Variants in DNAH5 observed in about 807,000 individuals in gnomAD.
DNAH5 encodes the protein axonemal beta dynein heavy chain 5.
DNAH5 carries 372 observed loss-of-function variants against 518.2 expected under a neutral mutation model. That is an observed-to-expected ratio of 0.72 (90% confidence interval 0.66 to 0.78). The LOEUF is 0.78. DNAH5 is among the 30% of genes least tolerant of loss of function. The pLI is 0.00. For synonymous variants in DNAH5, 2,039 were observed against 2,025.9 expected (o/e 1.01, Z -0.17); for missense variants, 5,523 against 5,687.0 (o/e 0.97, Z 0.93).
chr5:13,786,421 C>T (rs1231583076), intron 51 of DNAH5, 70 bp from the exon 52 acceptor site: 3 of 1,423,020 alleles, frequency 2.1e-6, no homozygotes, highest in African/African-American at 1.4e-5. Context: ...TAAATTAATA[C>T]ACTCAAAGCT....
At chr5:13,780,736 T>C in intron 53 of DNAH5, 93 bp downstream of exon 53, 2 of 1,387,084 alleles carry the variant, frequency 1.4e-6, no homozygotes, top group Non-Finnish European at 2.0e-6. Context: ...TGTGACTCTT[T>C]ATATGTAAGA....
intron 49 of DNAH5, among the ~76,000 whole-genome samples, chr5:13,792,521 T>A (rs2126902945): frequency 6.6e-6 from 1 of 152,346 alleles, no homozygotes; most frequent in Non-Finnish European, 1.5e-5. Context: ...TGAAGTTACC[T>A]TATAATAAGA....
intron 1 of DNAH5, among the ~76,000 whole-genome samples, chr5:13,954,406 C>A (rs527818808): frequency 1.8e-4 from 27 of 152,226 alleles, no homozygotes; most frequent in Admixed American, 2.6e-4. Context: ...CTTTTATATG[C>A]AATAAGGTTT....
chr5:14,005,010 A>T (rs752974782), intron 1 of DNAH5, among the ~76,000 whole-genome samples: 7 of 152,108 alleles, frequency 4.6e-5, no homozygotes, highest in African/African-American at 7.2e-5. Flanking sequence ...TATTTCAAGG[A>T]TAAGTCCCAA....
chr5:13,876,960 T>C (rs897556827), intron 21 of DNAH5, 143 bp from the exon 22 acceptor site: 8 of 854,020 alleles, frequency 9.4e-6, no homozygotes, highest in Non-Finnish European at 1.4e-5. Flanking sequence ...ATGGAAAGAG[T>C]TGTCAATGTC....
intron 1 of DNAH5, among the ~76,000 whole-genome samples, chr5:13,972,935 C>A (rs1354745479): frequency 6.6e-6 from 1 of 152,118 alleles, no homozygotes; most frequent in Admixed American, 6.5e-5. Context: ...ATAGCAAGAC[C>A]CCATCTCTAA....
chr5:13,763,878 T>A (rs1561199448), intron 59 of DNAH5, among the ~76,000 whole-genome samples: 1 of 152,208 alleles, frequency 6.6e-6, no homozygotes, highest in Non-Finnish European at 1.5e-5. Context: ...GTCAGGAACG[T>A]GTAATCACTT....
rs181042706 is a variant in DNAH5 at position 13,796,110 on chromosome 5, A to C, written c.7888-2052T>G. Among the ~76,000 whole-genome samples, 460 of 152,296 alleles carry C rather than the reference A, an allele frequency of 3.0e-3. 3 individuals carry two copies. The highest frequency in any genetic ancestry group is 0.014 in the Admixed American group (218 of 15,288). On this transcript the variant is annotated intron_variant, in intron 47 of 78. Coordinates refer to ENST00000265104, the MANE Select transcript of DNAH5 (RefSeq NM_001369.3). ...CCAATATCATACTGAATGGGCAAAA[A>C]CTGGAAGCATTCCCTTTGAAAACTG...
chr5:13,838,991 A>G (rs1296419504), intron 35 of DNAH5, among the ~76,000 whole-genome samples: 1 of 151,798 alleles, frequency 6.6e-6, no homozygotes, highest in East Asian at 1.9e-4. Flanking sequence ...CTTAAAAAAA[A>G]AAAAAAGAAA....
chr5:13,826,541 T>A (rs1762912705), intron 38 of DNAH5, among the ~76,000 whole-genome samples: 1 of 152,110 alleles, frequency 6.6e-6, no homozygotes, highest in South Asian at 2.1e-4. Context: ...AAGGGGCTTT[T>A]CCCCCTCTTC....
chr5:14,001,731 T>C (rs1416462858), intron 1 of DNAH5, among the ~76,000 whole-genome samples: 3 of 151,412 alleles, frequency 2.0e-5, no homozygotes, highest in Non-Finnish European at 2.9e-5. Flanking sequence ...TTTAGTTTGG[T>C]AAAATTTGAA....
intron 71 of DNAH5, among the ~76,000 whole-genome samples, chr5:13,720,650 G>A (rs1744926738): frequency 6.6e-6 from 1 of 152,158 alleles, no homozygotes; most frequent in Non-Finnish European, 1.5e-5. Flanking sequence ...TGAGATTACA[G>A]TTGTGAGGCA....
chr5:13,856,457 A>G (rs1767649969), intron 30 of DNAH5, among the ~76,000 whole-genome samples: 1 of 152,190 alleles, frequency 6.6e-6, no homozygotes, highest in South Asian at 2.1e-4. Flanking sequence ...AGCTGGTACC[A>G]TTCCTCTTAA....
chr5:13,820,219 A>T, intron 41 of DNAH5, 127 bp downstream of exon 41: 1 of 1,001,402 alleles, frequency 1.0e-6, no homozygotes, highest in Non-Finnish European at 1.5e-6. Flanking sequence ...CCCAATAATT[A>T]ATAAAGCAGT....
intron 47 of DNAH5, among the ~76,000 whole-genome samples, chr5:13,794,603 G>A (rs1180682496): frequency 6.6e-6 from 1 of 152,182 alleles, no homozygotes; most frequent in African/African-American, 2.4e-5. Context: ...GCTCACTTAT[G>A]TCTTCTCTCT....
chr5:13,944,578 T>C lies in DNAH5; in HGVS notation c.-140A>G. 1.4e-6 allele frequency: 1 copy of C among 731,316 alleles called. No individual in the cohort carries two copies. Among genetic ancestry groups the C allele is most frequent in the Non-Finnish European group, 2.4e-6 (1 of 414,252 alleles). 45.3% of individuals were successfully genotyped at this position (731,316 alleles called of 1,614,324 possible). On this transcript the variant is annotated 5_prime_UTR_variant, in exon 1 of 79. Coordinates refer to ENST00000265104, the MANE Select transcript of DNAH5 (RefSeq NM_001369.3). ...CTTTCACGTTTCTAATTTGCATGTA[T>C]TATTCACTACATTCACAGAATAAAA...
intron 41 of DNAH5, 89 bp downstream of exon 41, chr5:13,820,257 T>C: frequency 7.7e-7 from 1 of 1,306,608 alleles, no homozygotes; most frequent in South Asian, 1.2e-5. Context: ...TATATTATTG[T>C]ATCTGCCTGT....
chr5:13,691,609 A>T lies in DNAH5; in HGVS notation c.*375T>A. ...CAGACTTGCCCTGTTACCTTCAAGAACTTGGCTGTTACCAGGCCACGTTAA... is the reference window on the plus strand; with the variant it reads ...CAGACTTGCCCTGTTACCTTCAAGATCTTGGCTGTTACCAGGCCACGTTAA... On this transcript the variant is annotated 3_prime_UTR_variant, in exon 79 of 79. Transcript: ENST00000265104. 4.4e-6 allele frequency: 1 copy of T among 228,154 alleles called. No homozygotes were observed. Among genetic ancestry groups the T allele is most frequent in the East Asian group, 1.1e-4 (1 of 8,764 alleles). The allele number at this position is 228,154 out of a possible 1,614,324, so 14.1% of individuals were successfully genotyped here.
rs1356696172 is a variant in DNAH5, at chr5:13,758,977, A to G, written c.10288T>C (p.Leu3430=). The G allele has an allele frequency of 1.2e-6, 2 of 1,614,128 alleles. No homozygotes were observed. Among genetic ancestry groups the G allele is most frequent in the South Asian group, 1.1e-5 (1 of 91,086 alleles). Residue 3430 remains leucine, a synonymous_variant, in exon 61 of 79, where the codon TTG becomes CTG. Transcript: ENST00000265104. Reference sequence around the variant, plus strand: ...AGATGGCGATTCTCTTGCACCACCAAGTTGGCCTGCACAGGACACACACAG... The same window carrying G: ...AGATGGCGATTCTCTTGCACCACCAGGTTGGCCTGCACAGGACACACACAG... The part of the protein sequence containing the change: ...NKEVLPLKAN[L]VVQENRHLLA...
Sources: allele counts gnomAD v4.1 joint callset (sites outside exome capture counted in the v4.1 genomes callset), GRCh38; gene constraint gnomAD v4.1.1; transcripts MANE v1.5; gene names NCBI Gene and HGNC (gene_info 2026-07-23, HGNC 2026-07-21).